NOTCH2NLC: variants seen among roughly 807,000 people sequenced by gnomAD.
NOTCH2NLC encodes notch 2 N-terminal like C, also known as notch homolog 2 N-terminal-like protein C.
Under a neutral mutation model 17.7 loss-of-function variants are expected in NOTCH2NLC, and 4 were observed. The ratio of observed to expected loss-of-function variants is 0.23; its 90% CI spans 0.11 to 0.52. The LOEUF is 0.52. Among genes scored for constraint, NOTCH2NLC ranks in the 20% least tolerant of loss-of-function variants. NOTCH2NLC has a pLI of 0.96. For missense variants in NOTCH2NLC, 57 were observed against 207.2 expected, an observed-to-expected ratio of 0.28 and a Z score of 4.45; for synonymous variants, 18 against 86.0, an observed-to-expected ratio of 0.21 and a Z score of 4.38.
At chr1:149,419,200 T>C (rs1473360849) in intron 1 of NOTCH2NLC, among the ~76,000 whole-genome samples, 1 of 149,304 alleles carries the variant, frequency 6.7e-6, no homozygotes, top group Non-Finnish European at 1.5e-5. Flanking sequence ...TTTAATATAT[T>C]GGAATTTATA....
chr1:149,444,802 AGTAAG>A (rs2084538872), intron 2 of NOTCH2NLC, among the ~76,000 whole-genome samples: 1 of 136,124 alleles, frequency 7.3e-6, no homozygotes, highest in South Asian at 2.4e-4. Flanking sequence ...ACATACAACT[AGTAAG>A]GCCCTAGAAA....
rs1176135315 is a variant in NOTCH2NLC, at chr1:149,400,139, A to ATTTTTTTT, written c.135+9220_135+9227dup. On this transcript the variant is annotated intron_variant, in intron 1 of 4. Coordinates refer to ENST00000650865, the MANE Select transcript of NOTCH2NLC (RefSeq NM_001364013.2). ...ATATATATATATATATATAATATAT[A>ATTTTTTTT]TTTTTTTTTTAGTTTATGAACAGAT... 3.0e-5 allele frequency among the ~76,000 whole-genome samples: 4 copies of ATTTTTTTT among 131,978 alleles called. No individual in the cohort carries two copies. In the Admixed American group the frequency reaches 3.1e-4, roughly 10 times the overall value. 86.6% of individuals were successfully genotyped at this position (131,978 alleles called of 152,430 possible).
chr1:149,430,980 G>A lies in NOTCH2NLC; in HGVS notation c.174G>A (p.Met58Ile). ...ATGAACCCTGTGTAAATGAAGGAAT[G>A]TGTGTTACCTACCACAATGGCACAG... ...DGYEPCVNEG[M>I]CVTYHNGTGY... Residue 58 changes from methionine (M) to isoleucine (I), a missense_variant, in exon 2 of 5, where the codon ATG (methionine) becomes ATA (isoleucine). By Grantham distance (10) the Met-to-Ile change is conservative. Around this residue, in one of 7 missense-constraint regions of NOTCH2NLC, gnomAD observed 18 missense variants for 17.2 expected, o/e 1.05. Coordinates refer to ENST00000650865, the MANE Select transcript of NOTCH2NLC (RefSeq NM_001364013.2). 2 of 416,864 alleles carry A rather than the reference G, an allele frequency of 4.8e-6. No homozygotes were observed. Among genetic ancestry groups the A allele is most frequent in the Non-Finnish European group, 8.4e-6 (2 of 237,452 alleles). The allele number at this position is 416,864 out of a possible 1,614,324, so 25.8% of individuals were successfully genotyped here. A position where few individuals can be genotyped will look rare whatever the true frequency, so the allele number is the denominator to read the frequency against.
At chr1:149,460,982 C>T (rs2084646900) in intron 3 of NOTCH2NLC, among the ~76,000 whole-genome samples, 2 of 143,750 alleles carry the variant, frequency 1.4e-5, no homozygotes, top group Admixed American at 1.4e-4. Context: ...CACTCTGTTG[C>T]TTAGTACAGT....
At position 149,390,767 on chromosome 1, in the gene NOTCH2NLC, C is replaced by G. The variant is rs1281962829; in HGVS notation, c.-21C>G. The G allele has an allele frequency of 1.6e-6, 2 of 1,220,262 alleles. No individual in the cohort carries two copies. Among genetic ancestry groups the G allele is most frequent in the African/African-American group, 3.9e-5 (2 of 51,824 alleles). 75.6% of individuals were successfully genotyped at this position (1,220,262 alleles called of 1,614,324 possible). On this transcript the variant is annotated 5_prime_UTR_variant, in exon 1 of 5. Coordinates refer to ENST00000650865, the MANE Select transcript of NOTCH2NLC (RefSeq NM_001364013.2). ...AGGAGGGGAGGAGAGAGTGGGGCTC[C>G]TCTATCGGGACCCCCTCCCCATGTG...
At chr1:149,429,789 C>A (rs1189602107) in intron 1 of NOTCH2NLC, among the ~76,000 whole-genome samples, 2 of 150,714 alleles carry the variant, frequency 1.3e-5, no homozygotes, top group Non-Finnish European at 3.0e-5. Flanking sequence ...TGATCTTGCA[C>A]AATTTATGCA....
intron 1 of NOTCH2NLC, among the ~76,000 whole-genome samples, chr1:149,393,597 G>C (rs1211066702): frequency 2.7e-5 from 4 of 147,766 alleles, no homozygotes; most frequent in South Asian, 2.2e-4. Context: ...GTTTTCTTTT[G>C]CTTTGCAATG....
intron 3 of NOTCH2NLC, among the ~76,000 whole-genome samples, chr1:149,457,542 TTA>T (rs1370739763): frequency 6.9e-6 from 1 of 145,280 alleles, no homozygotes; most frequent in South Asian, 2.3e-4. Context: ...TTGGCAATCT[TTA>T]TATATATATA....
At chr1:149,427,260 T>C (rs1472200947) in intron 1 of NOTCH2NLC, among the ~76,000 whole-genome samples, 1 of 148,504 alleles carries the variant, frequency 6.7e-6, no homozygotes, top group Non-Finnish European at 1.5e-5. Context: ...TAACTGTAGC[T>C]TTTTGTACCC....
intron 2 of NOTCH2NLC, among the ~76,000 whole-genome samples, chr1:149,443,512 G>A (rs2084532674): frequency 6.7e-6 from 1 of 149,866 alleles, no homozygotes; most frequent in African/African-American, 2.5e-5. Context: ...GGGCTAATGA[G>A]TAACACAGGC....
At chr1:149,454,708 T>G (rs1163895472) in intron 2 of NOTCH2NLC, among the ~76,000 whole-genome samples, 1 of 151,128 alleles carries the variant, frequency 6.6e-6, no homozygotes, top group African/African-American at 2.4e-5. Flanking sequence ...CTCCTTTCCC[T>G]TTTTCTGTTG....
intron 1 of NOTCH2NLC, among the ~76,000 whole-genome samples, chr1:149,398,751 G>C (rs1421989862): frequency 1.3e-5 from 2 of 150,982 alleles, no homozygotes; most frequent in Non-Finnish European, 3.0e-5. Context: ...TCTTTCCATT[G>C]GACTGAAGCA....
chr1:149,447,236 C>CTAT (rs2084559803), intron 2 of NOTCH2NLC, among the ~76,000 whole-genome samples: 2 of 150,920 alleles, frequency 1.3e-5, no homozygotes, highest in South Asian at 4.2e-4. Context: ...ACTGTCTTAC[C>CTAT]TATTACTCCC....
chr1:149,417,219 C>T (rs1288936071), intron 1 of NOTCH2NLC, among the ~76,000 whole-genome samples: 2 of 144,330 alleles, frequency 1.4e-5, no homozygotes, highest in African/African-American at 5.0e-5. Context: ...ACGCCATTCT[C>T]CTGCCTCAGC....
chr1:149,424,267 A>AACAGTT (rs2084398706), intron 1 of NOTCH2NLC, among the ~76,000 whole-genome samples: 1 of 151,170 alleles, frequency 6.6e-6, no homozygotes, highest in Non-Finnish European at 1.5e-5. Context: ...GCTAAACATC[A>AACAGTT]AGGGTTCCTA....
At chr1:149,430,743 T>G (rs1356004984) in intron 1 of NOTCH2NLC, among the ~76,000 whole-genome samples, 199 bp from the exon 2 acceptor site, 4 of 149,732 alleles carry the variant, frequency 2.7e-5, no homozygotes, top group Non-Finnish European at 6.0e-5. Context: ...ACAAACGTGG[T>G]TATTGTTGGA....
chr1:149,438,835 C>G (rs2084498580), intron 2 of NOTCH2NLC, among the ~76,000 whole-genome samples: 1 of 130,914 alleles, frequency 7.6e-6, no homozygotes, highest in Admixed American at 8.1e-5. Context: ...TCACTGCAGC[C>G]TCCACCTCCT....
intron 3 of NOTCH2NLC, among the ~76,000 whole-genome samples, chr1:149,461,193 CCAAAGTG>C (rs2084648089): frequency 6.7e-6 from 1 of 149,848 alleles, no homozygotes; most frequent in Non-Finnish European, 1.5e-5. Flanking sequence ...CCTCAGCCTC[CCAAAGTG>C]CTGGGATTAC....
chr1:149,402,443 T>G (rs1354845868), intron 1 of NOTCH2NLC, among the ~76,000 whole-genome samples: 1 of 132,710 alleles, frequency 7.5e-6, no homozygotes, highest in Non-Finnish European at 1.6e-5. Context: ...ATTATGTGTC[T>G]GTCATTCTGC....
Sources: allele counts gnomAD v4.1 joint callset (sites outside exome capture counted in the v4.1 genomes callset), GRCh38; gene constraint gnomAD v4.1.1; regional missense constraint gnomAD v4.1.1; transcripts MANE v1.5; gene names NCBI Gene and HGNC (gene_info 2026-07-23, HGNC 2026-07-21).